PDE4D: variants seen among roughly 807,000 people sequenced by gnomAD.
The protein encoded by PDE4D is 3',5'-cyclic-AMP phosphodiesterase 4D.
PDE4D carries 24 observed loss-of-function variants against 87.4 expected under a neutral mutation model. The ratio of observed to expected loss-of-function variants is 0.27; its 90% confidence interval spans 0.20 to 0.39. The LOEUF is 0.39. PDE4D is among the 10% of genes least tolerant of loss of function. PDE4D has a pLI of 1.00. For missense variants in PDE4D, 714 were observed against 1,041.0 expected (o/e 0.69, Z 4.32); for synonymous variants, 384 against 383.2 (o/e 1.00, Z -0.02).
chr5:59,959,326 G>A (rs971766376), intron 3 of PDE4D, among the ~76,000 whole-genome samples: 2 of 152,084 alleles, frequency 1.3e-5, no homozygotes, highest in Admixed American at 6.6e-5. Flanking sequence ...TTTCTATGAA[G>A]TTATCAATGT....
chr5:59,163,691 T>C (rs191445564), intron 5 of PDE4D, among the ~76,000 whole-genome samples: 52 of 152,352 alleles, frequency 3.4e-4, no homozygotes, highest in South Asian at 1.4e-3. Context: ...CCTTATTATA[T>C]ACATTGCAGT....
chr5:60,382,207 T>G (rs1761907527), intron 1 of PDE4D, among the ~76,000 whole-genome samples: 1 of 152,148 alleles, frequency 6.6e-6, no homozygotes, highest in Admixed American at 6.5e-5. Context: ...TGAAATAGTT[T>G]GGAGTTATTT....
At chr5:59,427,332 CA>C (rs1299626843) in intron 1 of PDE4D, among the ~76,000 whole-genome samples, 24 of 149,926 alleles carry the variant, frequency 1.6e-4, no homozygotes, top group African/African-American at 6.0e-4. Flanking sequence ...CACACACACA[CA>C]CACACGCCCC....
At chr5:59,925,567 G>A (rs992836425) in intron 3 of PDE4D, among the ~76,000 whole-genome samples, 8 of 152,266 alleles carry the variant, frequency 5.3e-5, no homozygotes, top group African/African-American at 1.9e-4. Flanking sequence ...TAAATACACA[G>A]AGTAGTTGAA....
At chr5:60,056,900 T>C (rs1435357970) in intron 2 of PDE4D, among the ~76,000 whole-genome samples, 1 of 152,028 alleles carries the variant, frequency 6.6e-6, no homozygotes, top group East Asian at 1.9e-4. Flanking sequence ...GAACTATAGC[T>C]ATTTTATTCA....
intron 1 of PDE4D, among the ~76,000 whole-genome samples, chr5:59,609,377 T>TACACACACACAC (rs61116888): frequency 0.088 from 12,974 of 147,146 alleles, 575 homozygotes; most frequent in African/African-American, 0.11. Context: ...TTTGTATATG[T>TACACACACACAC]ACACACACAC....
Position 60,296,659 on chromosome 5 carries a change from C to A in PDE4D, c.-89-110972G>T, listed in dbSNP as rs556519781. On this transcript the variant is annotated intron_variant, in intron 1 of 16. Coordinates refer to the PDE4D transcript ENST00000502484. ...ACATGCACGTATATGTTTATTGCAG[C>A]ACTTTTCACAACAGCAAAGATTTAG... Among the ~76,000 whole-genome samples the A allele has an allele frequency of 3.6e-4, 55 of 152,278 alleles. 1 individual carries two copies. The highest frequency in any genetic ancestry group is 1.3e-3 in the African/African-American group (54 of 41,558).
At chr5:59,664,502 T>C (rs917574996) in intron 1 of PDE4D, among the ~76,000 whole-genome samples, 1 of 152,230 alleles carries the variant, frequency 6.6e-6, no homozygotes, top group Non-Finnish European at 1.5e-5. Context: ...CTGCTTGCCT[T>C]GCTTGTAGAA....
intron 1 of PDE4D, among the ~76,000 whole-genome samples, chr5:59,727,983 T>C (rs1756845844): frequency 6.6e-6 from 1 of 152,124 alleles, no homozygotes; most frequent in Admixed American, 6.6e-5. Context: ...TCTTTGCATC[T>C]TGTCTTCTTT....
At chr5:59,893,962 G>T (rs145115469), upstream of PDE4D, among the ~76,000 whole-genome samples, 1 of 152,084 alleles carries the variant, frequency 6.6e-6, no homozygotes, top group Non-Finnish European at 1.5e-5. Context: ...TCCTTTGGGC[G>T]CCGGCGGCGA....
chr5:59,060,855 C>A (rs1763016599), intron 5 of PDE4D, among the ~76,000 whole-genome samples: 1 of 152,064 alleles, frequency 6.6e-6, no homozygotes, highest in African/African-American at 2.4e-5. Flanking sequence ...TTCCCTTAGG[C>A]TTCAGATATT....
At chr5:60,087,054 T>C (rs981590306) in intron 2 of PDE4D, among the ~76,000 whole-genome samples, 1 of 152,202 alleles carries the variant, frequency 6.6e-6, no homozygotes, top group Non-Finnish European at 1.5e-5. Context: ...TTTACCAGAC[T>C]GGGAAAAAAC....
intron 2 of PDE4D, among the ~76,000 whole-genome samples, chr5:60,010,028 A>C (rs1008152831): frequency 6.6e-6 from 1 of 152,014 alleles, no homozygotes; most frequent in Non-Finnish European, 1.5e-5. Flanking sequence ...GTAATTTTAG[A>C]TAGGGATCCA....
At chr5:59,360,613 C>T (rs1415254739) in intron 1 of PDE4D, among the ~76,000 whole-genome samples, 3 of 152,136 alleles carry the variant, frequency 2.0e-5, no homozygotes, top group Non-Finnish European at 4.4e-5. Context: ...TATTACATTA[C>T]TTATCAAAAT....
intron 3 of PDE4D, among the ~76,000 whole-genome samples, chr5:59,189,263 T>TC (rs1169799475): frequency 6.7e-6 from 1 of 148,182 alleles, no homozygotes; most frequent in East Asian, 2.0e-4. Context: ...GTTTTTTTTT[T>TC]TTTGAGACGG....
intron 1 of PDE4D, among the ~76,000 whole-genome samples, chr5:59,253,686 T>C (rs1157191054): frequency 6.6e-6 from 1 of 152,220 alleles, no homozygotes; most frequent in Non-Finnish European, 1.5e-5. Flanking sequence ...ATCTCTTTTC[T>C]ATATCTTTCT....
chr5:59,354,420 A>C (rs1781023494), intron 1 of PDE4D, among the ~76,000 whole-genome samples: 1 of 152,212 alleles, frequency 6.6e-6, no homozygotes, highest in Non-Finnish European at 1.5e-5. Context: ...CTTTAATTCC[A>C]AGAATGCTAT....
rs994619667 is a variant in PDE4D at position 60,360,555 on chromosome 5, C to T, written c.-90+127387G>A. Among the ~76,000 whole-genome samples the T allele has an allele frequency of 3.9e-5, 6 of 152,166 alleles. 1 individual carries two copies. Among genetic ancestry groups the T allele is most frequent in the East Asian group, 3.8e-4 (2 of 5,200 alleles). ...GGAAAACGTGGGGAACTGTGGTCAG[C>T]GAAGAAAATCCCTTCTGTGGCTGGA... On this transcript the variant is annotated intron_variant, in intron 1 of 16. Coordinates refer to the PDE4D transcript ENST00000502484.
chr5:59,776,253 A>C (rs1404464452), intron 1 of PDE4D, among the ~76,000 whole-genome samples: 1 of 152,132 alleles, frequency 6.6e-6, no homozygotes, highest in African/African-American at 2.4e-5. Flanking sequence ...AGTTCATTAA[A>C]CTTCTCTGGA....
Sources: gnomAD v4.1 joint callset for allele counts (sites outside exome capture counted in the v4.1 genomes callset) on GRCh38, gnomAD v4.1.1 for gene constraint, MANE v1.5 for transcripts, NCBI Gene and HGNC (gene_info 2026-07-23, HGNC 2026-07-21) for gene names.